Variants in WDR7 observed in about 807,000 individuals in gnomAD.
WDR7 encodes WD repeat domain 7.
WDR7 carries 46 observed loss-of-function variants against 169.4 expected under a neutral mutation model. The ratio of observed to expected loss-of-function variants is 0.27; its 90% CI spans 0.21 to 0.35. The LOEUF (loss-of-function observed/expected upper bound fraction) is 0.35, where lower values mean the gene tolerates loss of function less well. Among genes scored for constraint, WDR7 ranks in the 10% least tolerant of loss-of-function variants. The probability of loss-of-function intolerance (pLI) is 1.00; values close to 1 mark genes in which losing one functional copy is unlikely to be tolerated. For synonymous variants in WDR7, 612 were observed against 666.8 expected (o/e 0.92, Z 1.27); for missense variants, 1,534 against 1,859.3 (o/e 0.83, Z 3.22).
chr18:56,986,644 C>T (rs1320979363), intron 26 of WDR7, among the ~76,000 whole-genome samples: 1 of 151,948 alleles, frequency 6.6e-6, no homozygotes, highest in Non-Finnish European at 1.5e-5. Flanking sequence ...ACAAAGTTGT[C>T]CCTAATTTTA....
At chr18:56,752,054 C>A (rs967261674) in intron 14 of WDR7, among the ~76,000 whole-genome samples, 1 of 152,060 alleles carries the variant, frequency 6.6e-6, no homozygotes, top group Non-Finnish European at 1.5e-5. Context: ...CTCATTAAAG[C>A]CTTTAGACAA....
chr18:56,996,378 G>C (rs2047899536), intron 26 of WDR7, among the ~76,000 whole-genome samples: 1 of 151,998 alleles, frequency 6.6e-6, no homozygotes, highest in Admixed American at 6.6e-5. Context: ...TAGATTCTGG[G>C]GCTTTGAAAG....
At chr18:56,923,154 C>A (rs906375124) in intron 21 of WDR7, among the ~76,000 whole-genome samples, 1 of 152,154 alleles carries the variant, frequency 6.6e-6, no homozygotes, top group Non-Finnish European at 1.5e-5. Context: ...ATTGGCTTTT[C>A]GTAACCCCTG....
At chr18:56,705,360 A>C (rs1302364922) in intron 12 of WDR7, among the ~76,000 whole-genome samples, 1 of 152,052 alleles carries the variant, frequency 6.6e-6, no homozygotes, top group African/African-American at 2.4e-5. Flanking sequence ...AGCAGTTATA[A>C]AGGAGTATGA....
In WDR7 at chr18:57,018,270, C is replaced by T. The variant is rs935812162; in HGVS notation, c.4165-2475C>T. 2.6e-5 allele frequency among the ~76,000 whole-genome samples: 4 copies of T among 152,172 alleles called. No individual in the cohort carries two copies. The South Asian group carries it at 8.3e-4, about 32-fold the overall frequency. On this transcript the variant is annotated intron_variant, in intron 26 of 27. Coordinates refer to ENST00000254442, the MANE Select transcript of WDR7 (RefSeq NM_015285.3). ...GGGCTTTGGGGGCTTTCAAGAAGGG[C>T]CAGTTTTTCTTAGAAGAACTTTTAA... is the stretch of plus-strand genomic sequence containing the variant.
At position 56,818,905 on chromosome 18, in the gene WDR7, A is replaced by G. The variant is rs137860143; in HGVS notation, c.3304+2761A>G. ...ATATTTCTTCATAAAATAAGTAGTA[A>G]TTATATCATGACAGGTATTTGCCTG... is the stretch of plus-strand genomic sequence containing the variant. On this transcript the variant is annotated intron_variant, in intron 20 of 27. Transcript: ENST00000254442. Among the ~76,000 whole-genome samples the G allele has an allele frequency of 1.8e-3, 271 of 152,302 alleles. 1 individual carries two copies. Among genetic ancestry groups the G allele is most frequent in the Non-Finnish European group, 3.1e-3 (210 of 67,998 alleles).
intron 20 of WDR7, among the ~76,000 whole-genome samples, chr18:56,856,583 C>CT (rs1426198592): frequency 6.6e-6 from 1 of 151,442 alleles, no homozygotes; most frequent in Non-Finnish European, 1.5e-5. Context: ...TTTTTAAAAT[C>CT]TTTTTTAATT....
intron 19 of WDR7, among the ~76,000 whole-genome samples, chr18:56,800,266 G>A (rs570571322): frequency 1.3e-5 from 2 of 152,254 alleles, no homozygotes; most frequent in South Asian, 4.1e-4. Flanking sequence ...AAAATGAATT[G>A]TGAGGTTTAA....
At chr18:56,823,035 G>A (rs543667068) in intron 20 of WDR7, among the ~76,000 whole-genome samples, 1 of 152,268 alleles carries the variant, frequency 6.6e-6, no homozygotes, top group African/African-American at 2.4e-5. Context: ...TCTAAATACA[G>A]TATTTGAGAA....
chr18:56,813,236 G>A (rs1568210081), intron 19 of WDR7, among the ~76,000 whole-genome samples: 4 of 150,190 alleles, frequency 2.7e-5, no homozygotes, highest in Non-Finnish European at 4.4e-5. Context: ...CAATTACATC[G>A]TTCTTTCTAA....
intron 5 of WDR7, 111 bp downstream of exon 5, chr18:56,682,964 T>C: frequency 1.7e-6 from 2 of 1,178,498 alleles, no homozygotes; most frequent in Admixed American, 4.7e-5. Flanking sequence ...TTCTTCTATG[T>C]AAGAAATAAC....
At chr18:56,894,998 T>C (rs1046731375) in intron 21 of WDR7, among the ~76,000 whole-genome samples, 1 of 152,070 alleles carries the variant, frequency 6.6e-6, no homozygotes, top group South Asian at 2.1e-4. Flanking sequence ...TAATAAACAA[T>C]GAGTAGAATA....
At chr18:56,856,538 A>T (rs1043746037) in intron 20 of WDR7, among the ~76,000 whole-genome samples, 11 of 152,074 alleles carry the variant, frequency 7.2e-5, no homozygotes, top group South Asian at 2.1e-4. Context: ...AGTCTTTAAA[A>T]AAATAAATAA....
chr18:56,845,883 GTTA>G (rs1442369592), intron 20 of WDR7, among the ~76,000 whole-genome samples: 2 of 152,100 alleles, frequency 1.3e-5, no homozygotes, highest in Admixed American at 6.5e-5. Flanking sequence ...TTGAAAAAAT[GTTA>G]TTATGCTATG....
chr18:56,880,223 G>A, intron 21 of WDR7, 58 bp downstream of exon 21: 2 of 1,505,638 alleles, frequency 1.3e-6, no homozygotes, highest in East Asian at 2.4e-5. Flanking sequence ...TTATTTGTCA[G>A]CAAAATCTCA....
chr18:56,746,162 A>G (rs888516666), intron 14 of WDR7, among the ~76,000 whole-genome samples: 2 of 152,220 alleles, frequency 1.3e-5, no homozygotes, highest in Admixed American at 6.5e-5. Flanking sequence ...ACTGGTACAT[A>G]GTGGTTGTGA....
At chr18:57,000,810 G>A (rs1415881111) in intron 26 of WDR7, among the ~76,000 whole-genome samples, 1 of 152,160 alleles carries the variant, frequency 6.6e-6, no homozygotes, top group Non-Finnish European at 1.5e-5. Flanking sequence ...AATTTCTGGT[G>A]TAGAATCTTT....
At chr18:56,902,429 T>A (rs2046416234) in intron 21 of WDR7, among the ~76,000 whole-genome samples, 1 of 152,206 alleles carries the variant, frequency 6.6e-6, no homozygotes, top group Non-Finnish European at 1.5e-5. Context: ...CTATATTTTT[T>A]AAATGCTAGA....
intron 20 of WDR7, among the ~76,000 whole-genome samples, chr18:56,875,760 G>A (rs551451324): frequency 6.6e-6 from 1 of 152,278 alleles, no homozygotes; most frequent in Admixed American, 6.5e-5. Flanking sequence ...TGAGGGCAGG[G>A]CTTTACTTAA....
Sources: allele counts gnomAD v4.1 joint callset (sites outside exome capture counted in the v4.1 genomes callset), GRCh38; gene constraint gnomAD v4.1.1; transcripts MANE v1.5; gene names NCBI Gene and HGNC (gene_info 2026-07-23, HGNC 2026-07-21).